PRDM11: variants seen among roughly 807,000 people sequenced by gnomAD.
PRDM11 encodes PR/SET domain 11, also known as PR domain-containing protein 11.
Under a neutral mutation model 97.8 loss-of-function variants are expected in PRDM11, and 20 were observed. That is an observed-to-expected ratio of 0.20 (90% CI 0.14 to 0.30). PRDM11 has a LOEUF of 0.30. PRDM11 is among the 10% of genes least tolerant of loss of function. The pLI, the probability that PRDM11 is intolerant of heterozygous loss-of-function variation, is 1.00. For synonymous variants in PRDM11, 599 were observed against 637.7 expected (o/e 0.94, Z 0.91); for missense variants, 1,139 against 1,555.2 (o/e 0.73, Z 4.50).
At chr11:45,097,026 G>A (rs1286243666) in intron 1 of PRDM11, among the ~76,000 whole-genome samples, 1 of 152,200 alleles carries the variant, frequency 6.6e-6, no homozygotes, top group African/African-American at 2.4e-5. Context: ...CTGGAAATGT[G>A]GCTGAGAGGT....
intron 1 of PRDM11, among the ~76,000 whole-genome samples, chr11:45,158,250 T>G (rs1851848303): frequency 6.6e-6 from 1 of 152,150 alleles, no homozygotes; most frequent in Admixed American, 6.5e-5. Context: ...TGCCTGGGCC[T>G]GCATGTGGCC....
chr11:45,204,858 G>T (rs1296748804), intron 5 of PRDM11, 80 bp downstream of exon 5: 1 of 1,436,630 alleles, frequency 7.0e-7, no homozygotes, highest in Non-Finnish European at 9.8e-7. Context: ...GGACCTGTGG[G>T]AGCTCCAGTG....
Position 45,227,464 on chromosome 11 carries a change from A to G in PRDM11, c.2839A>G (p.Lys947Glu), listed in dbSNP as rs1179079274. ...FRESFNGIAM[K>E]NLRVAEAKFQ... ...AGAGAGCTTCAACGGGATCGCCATGAAGAACCTCAGGGTGGCTGAAGCCAA... is the reference window on the plus strand; with the variant it reads ...AGAGAGCTTCAACGGGATCGCCATGGAGAACCTCAGGGTGGCTGAAGCCAA... The change falls in exon 8 of 8, where the codon AAG (lysine) becomes GAG (glutamate). Residue 947 changes from lysine to glutamate, a missense_variant. This residue lies in a region of PRDM11 where 710 missense variants were observed against 1,044.9 expected (regional missense o/e 0.68). Transcript: ENST00000683152. This position sits in a 1 kb window ranked among gnomAD's most constrained non-coding sequence, Gnocchi z 8.0. The G allele has an allele frequency of 2.0e-6, 3 of 1,533,846 alleles. No homozygotes were observed. The highest frequency in any genetic ancestry group is 2.6e-6 in the Non-Finnish European group (3 of 1,146,730).
intron 5 of PRDM11, among the ~76,000 whole-genome samples, chr11:45,208,179 C>T (rs1006649522): frequency 2.0e-5 from 3 of 152,144 alleles, no homozygotes; most frequent in African/African-American, 7.2e-5. Context: ...AGCCCACCCC[C>T]GAAGAAAGCA....
Position 45,129,249 on chromosome 11 carries a change from A to C in PRDM11, c.96+33348A>C, listed in dbSNP as rs1852662124. On this transcript the variant is annotated intron_variant, in intron 1 of 6. Coordinates refer to the PRDM11 transcript ENST00000530656. ...TTCCTCTGAGGTTAGGAACAAGACA[A>C]GGCTACTATCGCTACTTCTATTCAT... 2.0e-5 allele frequency among the ~76,000 whole-genome samples: 3 copies of C among 152,216 alleles called. No homozygotes were observed. In the South Asian group the frequency reaches 6.2e-4, roughly 31 times the overall value.
intron 1 of PRDM11, among the ~76,000 whole-genome samples, chr11:45,109,165 T>C (rs560328400): frequency 3.3e-5 from 5 of 152,286 alleles, no homozygotes; most frequent in Admixed American, 1.3e-4. Flanking sequence ...GGCACCCTCT[T>C]TGGGTCACCT....
At position 45,167,759 on chromosome 11, in the gene PRDM11, CCACACACACACACA is replaced by C. The variant is rs34333065; in HGVS notation, c.-6-13972_-6-13959del. On this transcript the variant is annotated intron_variant, in intron 1 of 7. Transcript: ENST00000683152. ...GGAGGACTGCCTCTCTCATTTCACACCACACACACACACACACACACACACACACACACACACAC... is the reference window on the plus strand; with the variant it reads ...GGAGGACTGCCTCTCTCATTTCACACCACACACACACACACACACACACAC... 2.5e-3 allele frequency among the ~76,000 whole-genome samples: 355 copies of C among 143,318 alleles called. 3 individuals are homozygous for C. Among genetic ancestry groups the C allele is most frequent in the African/African-American group, 7.5e-3 (289 of 38,710 alleles). 94.0% of individuals were successfully genotyped at this position (143,318 alleles called of 152,430 possible).
At chr11:45,113,161 TCTAC>T (rs1852220868) in intron 1 of PRDM11, among the ~76,000 whole-genome samples, 1 of 152,196 alleles carries the variant, frequency 6.6e-6, no homozygotes, top group Non-Finnish European at 1.5e-5. Context: ...GTTTCATTCT[TCTAC>T]ATGTGGCTTG....
chr11:45,184,738 A>T (rs989100800), intron 4 of PRDM11, among the ~76,000 whole-genome samples: 4 of 152,184 alleles, frequency 2.6e-5, no homozygotes, highest in African/African-American at 9.7e-5. Flanking sequence ...CAAGATATCC[A>T]AGTGGTGATG....
In PRDM11 at chr11:45,219,149, A is replaced by G. The variant is rs551452225; in HGVS notation, c.555-421A>G. ...CTTTGTGAAATACTGGAAACAGTTG[A>G]AGGACCCCAGCCTTACCACCTTCAG... On this transcript the variant is annotated intron_variant, in intron 5 of 7. Transcript: ENST00000683152. This position sits in a 1 kb window ranked among gnomAD's most constrained non-coding sequence, Gnocchi z 4.2. Among the ~76,000 whole-genome samples, 27 of 152,332 alleles carry G rather than the reference A, an allele frequency of 1.8e-4. No individual in the cohort carries two copies. The highest frequency in any genetic ancestry group is 3.4e-3 in the Middle Eastern group (1 of 294).
At chr11:45,181,459 T>C (rs1169119609) in intron 1 of PRDM11, among the ~76,000 whole-genome samples, 1 of 152,180 alleles carries the variant, frequency 6.6e-6, no homozygotes, top group East Asian at 1.9e-4. Context: ...CTTTGCCCTT[T>C]GGTCTAGGGG....
chr11:45,172,955 C>T (rs1382888481), intron 1 of PRDM11, among the ~76,000 whole-genome samples: 1 of 152,176 alleles, frequency 6.6e-6, no homozygotes, highest in African/African-American at 2.4e-5. Flanking sequence ...GGGTCCTCTG[C>T]AGGACATGGC....
At chr11:45,132,204 G>T (rs1018175533) in intron 1 of PRDM11, among the ~76,000 whole-genome samples, 3 of 152,166 alleles carry the variant, frequency 2.0e-5, no homozygotes, top group Non-Finnish European at 2.9e-5. Context: ...TGTGCAGGGG[G>T]TCATTTTCCC....
chr11:45,095,284 TC>T (rs2135590738), upstream of PRDM11, among the ~76,000 whole-genome samples: 1 of 151,984 alleles, frequency 6.6e-6, no homozygotes, highest in Admixed American at 6.5e-5. Flanking sequence ...CTGTAACAGC[TC>T]CCCCTTGGAA....
rs544168389 is a variant in PRDM11, at chr11:45,233,771, GC to G, written c.*5613del. On this transcript the variant is annotated 3_prime_UTR_variant, in exon 8 of 8. Transcript: ENST00000683152. The stretch of plus-strand genomic sequence containing the variant: ...ACAGGCTTTCTGGCCAGGGCAGGGG[GC>G]ATCAGCTAGCAGGAAACGGTGGGAG... 9.2e-5 allele frequency: 14 copies of G among 152,478 alleles called. No homozygotes were observed. In the East Asian group the frequency reaches 2.7e-3, roughly 29 times the overall value. 9.4% of individuals were successfully genotyped at this position (152,478 alleles called of 1,614,324 possible).
chr11:45,094,822 GAA>G (rs1851865019), upstream of PRDM11, among the ~76,000 whole-genome samples: 1 of 100,306 alleles, frequency 1.0e-5, no homozygotes, highest in African/African-American at 6.2e-5. Context: ...AGGAAGGAGA[GAA>G]GGAAGGGAGG....
At chr11:45,131,249 G>A (rs544990814) in intron 1 of PRDM11, among the ~76,000 whole-genome samples, 1 of 152,274 alleles carries the variant, frequency 6.6e-6, no homozygotes, top group East Asian at 1.9e-4. Context: ...GTACTGGCTG[G>A]GTGGAGGAAC....
chr11:45,213,460 G>A (rs1240745375), intron 5 of PRDM11: 1 of 454,150 alleles, frequency 2.2e-6, no homozygotes, highest in Admixed American at 2.4e-5. Flanking sequence ...TTTGAAGGGG[G>A]TGAGGCCTGA....
intron 4 of PRDM11, among the ~76,000 whole-genome samples, chr11:45,203,525 G>T (rs1396540639): frequency 6.6e-6 from 1 of 151,836 alleles, no homozygotes; most frequent in Non-Finnish European, 1.5e-5. Flanking sequence ...CTGGAAGAGA[G>T]CTCTGAGATA....
Sources: allele counts gnomAD v4.1 joint callset (sites outside exome capture counted in the v4.1 genomes callset), GRCh38; gene constraint gnomAD v4.1.1; regional missense constraint gnomAD v4.1.1; non-coding constraint Gnocchi (gnomAD v3.1); transcripts MANE v1.5; gene names NCBI Gene and HGNC (gene_info 2026-07-23, HGNC 2026-07-21).